Variants in FAF2 observed in about 807,000 individuals in gnomAD.
The protein encoded by FAF2 is FAS-associated factor 2.
A neutral mutation model predicts 62.3 loss-of-function variants in FAF2; 9 were observed. The observed-to-expected ratio is 0.14, with a 90% CI of 0.09 to 0.25. The LOEUF is 0.25. Ranked by LOEUF, FAF2 falls within the 10% of genes least tolerant of loss-of-function variation. The pLI is 1.00. For missense variants in FAF2, 368 were observed against 556.2 expected (o/e 0.66, Z 3.40); for synonymous variants, 202 against 198.0 (o/e 1.02, Z -0.17).
At position 176,458,779 on chromosome 5, in the gene FAF2, G is replaced by T. The variant is rs1018592145; in HGVS notation, c.63+10309G>T. 5.9e-5 allele frequency among the ~76,000 whole-genome samples: 9 copies of T among 152,182 alleles called. No homozygotes were observed. In the South Asian group the frequency reaches 1.9e-3, roughly 32 times the overall value. ...CATAAAATTTTTCTTTGTACCTCATGGTCTGACTTCACTGTCAAACCTTAC... is the reference window on the plus strand; with the variant it reads ...CATAAAATTTTTCTTTGTACCTCATTGTCTGACTTCACTGTCAAACCTTAC... On this transcript the variant is annotated intron_variant, in intron 1 of 10. Coordinates refer to ENST00000261942, the MANE Select transcript of FAF2 (RefSeq NM_014613.3).
chr5:176,476,012 T>C (rs1189281904), intron 1 of FAF2, among the ~76,000 whole-genome samples: 2 of 152,092 alleles, frequency 1.3e-5, no homozygotes, highest in East Asian at 1.9e-4. Flanking sequence ...TCCCAACACA[T>C]TGGGAGGCCA....
chr5:176,478,680 G>A (rs1758742310), intron 1 of FAF2, among the ~76,000 whole-genome samples: 2 of 152,144 alleles, frequency 1.3e-5, no homozygotes, highest in African/African-American at 4.8e-5. Flanking sequence ...TTTCAGATTT[G>A]GATTGTTTTG....
rs960569427 is a variant in FAF2, at chr5:176,494,812, G to A, written c.661+537G>A. ...GCAGCCCACCTCAGCCTCCCAAAGT[G>A]CTGGGATTACAGGTGTGAGCCACTG... On this transcript the variant is annotated intron_variant, in intron 7 of 10. Transcript: ENST00000261942. The surrounding 1 kb of genome is among the most constrained non-coding windows in gnomAD (Gnocchi z 4.0). Among the ~76,000 whole-genome samples, 2 of 152,128 alleles carry A rather than the reference G, an allele frequency of 1.3e-5. No individual in the cohort carries two copies. The highest frequency in any genetic ancestry group is 2.9e-5 in the Non-Finnish European group (2 of 68,028).
At chr5:176,469,948 C>T (rs1243877133) in intron 1 of FAF2, among the ~76,000 whole-genome samples, 2 of 152,108 alleles carry the variant, frequency 1.3e-5, no homozygotes, top group African/African-American at 4.8e-5. Context: ...CAAACCTTGA[C>T]TTGTATGTAG....
chr5:176,471,375 C>CTTT (rs138149987), intron 1 of FAF2, among the ~76,000 whole-genome samples: 30 of 97,618 alleles, frequency 3.1e-4, no homozygotes, highest in Non-Finnish European at 4.3e-4. Flanking sequence ...TCTGTACATT[C>CTTT]TTTTTTTTTT....
At chr5:176,484,930 T>A (rs2113736311) in intron 2 of FAF2, among the ~76,000 whole-genome samples, 1 of 150,034 alleles carries the variant, frequency 6.7e-6, no homozygotes, top group South Asian at 2.1e-4. Flanking sequence ...CCTGACTTAA[T>A]GAGGAAATAA....
At position 176,493,889 on chromosome 5, in the gene FAF2, A is replaced by G. The variant is rs1013008701; in HGVS notation, c.484-110A>G. 8.3e-6 allele frequency: 6 copies of G among 726,126 alleles called. No homozygotes were observed. The East Asian group carries it at 1.5e-4, about 18-fold the overall frequency. 45.0% of individuals were successfully genotyped at this position (726,126 alleles called of 1,614,324 possible). Reference sequence around the variant, plus strand: ...GATTTCTTGCTCACCTTTTTTCCTTATTTTTCCTTTTGTTCCTAAATACAT... The same window carrying G: ...GATTTCTTGCTCACCTTTTTTCCTTGTTTTTCCTTTTGTTCCTAAATACAT... On this transcript the variant is annotated intron_variant, in intron 5 of 10. Transcript: ENST00000261942.
chr5:176,497,489 A>G (rs1755515800), intron 8 of FAF2, among the ~76,000 whole-genome samples: 1 of 152,198 alleles, frequency 6.6e-6, no homozygotes, highest in South Asian at 2.1e-4. Context: ...TCTTTATGTA[A>G]GAATATATCA....
chr5:176,491,436 GC>G (rs1758969134), intron 4 of FAF2, among the ~76,000 whole-genome samples: 1 of 152,156 alleles, frequency 6.6e-6, no homozygotes, highest in African/African-American at 2.4e-5. Flanking sequence ...CTCCATGGTT[GC>G]CATCAACCAT....
chr5:176,453,939 C>G (rs930420581), intron 1 of FAF2, among the ~76,000 whole-genome samples: 6 of 150,890 alleles, frequency 4.0e-5, no homozygotes. Context: ...GCCCATAATC[C>G]CAGCTACTCG....
intron 2 of FAF2, 52 bp from the exon 3 acceptor site, chr5:176,486,303 T>G: frequency 1.9e-6 from 3 of 1,606,292 alleles, no homozygotes; most frequent in Non-Finnish European, 2.6e-6. Context: ...CCTCTTGTTG[T>G]TGGTTGATTT....
chr5:176,477,100 G>A lies in FAF2; in HGVS notation c.64-2088G>A, dbSNP rs1174698314. Reference sequence around the variant, plus strand: ...TGAGATTACAGGCGTGAGCCACCGTGCCCGGCCTTTTTTTTTTTTTTTTTT... The same window carrying A: ...TGAGATTACAGGCGTGAGCCACCGTACCCGGCCTTTTTTTTTTTTTTTTTT... On this transcript the variant is annotated intron_variant, in intron 1 of 10. Transcript: ENST00000261942. Among the ~76,000 whole-genome samples the A allele has an allele frequency of 3.5e-3, 497 of 143,296 alleles. 2 individuals are homozygous for A. Among genetic ancestry groups the A allele is most frequent in the Non-Finnish European group, 6.1e-3 (404 of 66,436 alleles). The allele number at this position is 143,296 out of a possible 152,430, so 94.0% of individuals were successfully genotyped here.
At chr5:176,458,330 C>A (rs1041522366) in intron 1 of FAF2, among the ~76,000 whole-genome samples, 5 of 151,422 alleles carry the variant, frequency 3.3e-5, no homozygotes, top group African/African-American at 1.2e-4. Context: ...GATCCACCTG[C>A]CTTGGCCTTA....
intron 2 of FAF2, among the ~76,000 whole-genome samples, chr5:176,484,472 G>C (rs925629190): frequency 2.0e-4 from 30 of 152,128 alleles, no homozygotes; most frequent in African/African-American, 6.8e-4. Flanking sequence ...ATCAACTGTT[G>C]TGCCATTACA....
intron 1 of FAF2, among the ~76,000 whole-genome samples, chr5:176,452,003 G>A (rs1161054768): frequency 7.3e-6 from 1 of 137,580 alleles, no homozygotes; most frequent in Non-Finnish European, 1.5e-5. Context: ...CTGGGCTCAA[G>A]TGATCCTCCC....
At chr5:176,455,488 G>A (rs1333564347) in intron 1 of FAF2, among the ~76,000 whole-genome samples, 1 of 151,588 alleles carries the variant, frequency 6.6e-6, no homozygotes, top group Non-Finnish European at 1.5e-5. Flanking sequence ...AGTGGTGCAC[G>A]CCTGTAATCC....
At chr5:176,500,655 G>T (rs568515530) in intron 10 of FAF2, among the ~76,000 whole-genome samples, 9 of 152,288 alleles carry the variant, frequency 5.9e-5, no homozygotes, top group African/African-American at 2.2e-4. Flanking sequence ...GCTACTTTAT[G>T]TATATGATAG....
chr5:176,482,640 C>T (rs2963663), intron 2 of FAF2, among the ~76,000 whole-genome samples: 111,344 of 152,112 alleles, frequency 0.73, 41,165 homozygotes, highest in African/African-American at 0.84. Flanking sequence ...TCCTGAGTAG[C>T]TAGGACTACA....
Position 176,451,813 on chromosome 5 carries a change from CACATAT to C in FAF2, c.63+3345_63+3350del, listed in dbSNP as rs746011309. 4.0e-3 allele frequency among the ~76,000 whole-genome samples: 169 copies of C among 42,616 alleles called. 10 individuals carry two copies. Among genetic ancestry groups the C allele is most frequent in the East Asian group, 8.8e-3 (13 of 1,474 alleles). The allele number at this position is 42,616 out of a possible 152,430, so 28.0% of individuals were successfully genotyped here. ...ATATATATATACATATATATATACA[CACATAT>C]ATATATATACATATATATATATACA... is the stretch of plus-strand genomic sequence containing the variant. On this transcript the variant is annotated intron_variant, in intron 1 of 10. Coordinates refer to ENST00000261942, the MANE Select transcript of FAF2 (RefSeq NM_014613.3).
Sources: gnomAD v4.1 joint callset for allele counts (sites outside exome capture counted in the v4.1 genomes callset) on GRCh38, gnomAD v4.1.1 for gene constraint, Gnocchi (gnomAD v3.1) non-coding constraint, MANE v1.5 for transcripts, NCBI Gene and HGNC (gene_info 2026-07-23, HGNC 2026-07-21) for gene names.